SPAG16: variants seen among roughly 807,000 people sequenced by gnomAD.
SPAG16 encodes the protein sperm-associated antigen 16 protein.
SPAG16 carries 86 observed loss-of-function variants against 80.4 expected under a neutral mutation model. The observed-to-expected ratio is 1.07, with a 90% CI of 0.90 to 1.28. The LOEUF (loss-of-function observed/expected upper bound fraction) is 1.28, where lower values mean the gene tolerates loss of function less well. Ranked by LOEUF, SPAG16 falls within the 50% of genes most tolerant of loss-of-function variation. The pLI, the probability that SPAG16 is intolerant of heterozygous loss-of-function variation, is 0.00. For synonymous variants in SPAG16, 294 were observed against 265.9 expected (o/e 1.11, Z -1.03); for missense variants, 870 against 765.3 (o/e 1.14, Z -1.61).
chr2:213,731,861 G>C (rs12465707), intron 10 of SPAG16, among the ~76,000 whole-genome samples: 22,067 of 152,134 alleles, frequency 0.15, 2,072 homozygotes, highest in South Asian at 0.28. Flanking sequence ...CACTCTTGAT[G>C]GTTGTCTTTT....
intron 12 of SPAG16, among the ~76,000 whole-genome samples, chr2:214,004,873 G>A (rs2046958582): frequency 6.6e-6 from 1 of 152,034 alleles, no homozygotes; most frequent in Non-Finnish European, 1.5e-5. Flanking sequence ...AGCAAAGAGA[G>A]AATATTTGTG....
intron 10 of SPAG16, among the ~76,000 whole-genome samples, chr2:213,702,376 C>G (rs6435788): frequency 6.0e-4 from 91 of 152,260 alleles, no homozygotes; most frequent in Non-Finnish European, 1.1e-3. Flanking sequence ...ATAAATCTTG[C>G]TGCTGCTGTT....
At chr2:214,190,883 A>G (rs1050366904) in intron 15 of SPAG16, among the ~76,000 whole-genome samples, 5 of 152,198 alleles carry the variant, frequency 3.3e-5, no homozygotes, top group African/African-American at 1.2e-4. Context: ...GTTGTTTATC[A>G]GCTAATTGGC....
chr2:213,904,618 AAAAC>A, intron 11 of SPAG16, among the ~76,000 whole-genome samples: 1 of 150,834 alleles, frequency 6.6e-6, no homozygotes, highest in South Asian at 2.1e-4. Flanking sequence ...AAAAAAAAAA[AAAAC>A]AAAGTAGGTA....
chr2:213,824,006 G>T (rs2073115963), intron 10 of SPAG16, among the ~76,000 whole-genome samples: 2 of 152,154 alleles, frequency 1.3e-5, no homozygotes, highest in South Asian at 2.1e-4. Flanking sequence ...GTCCTGAATG[G>T]TATTGCCTAG....
chr2:213,622,111 A>AT (rs1309966104), intron 10 of SPAG16, among the ~76,000 whole-genome samples: 1 of 152,158 alleles, frequency 6.6e-6, no homozygotes. Context: ...AGATGAGTGC[A>AT]TTTTTTTTCC....
intron 11 of SPAG16, among the ~76,000 whole-genome samples, chr2:213,929,154 C>G (rs916128406): frequency 6.6e-6 from 1 of 151,752 alleles, no homozygotes; most frequent in African/African-American, 2.4e-5. Flanking sequence ...GCTGGGATTA[C>G]AGGCGCACGC....
At chr2:213,703,916 C>G (rs1299627038) in intron 10 of SPAG16, among the ~76,000 whole-genome samples, 2 of 152,160 alleles carry the variant, frequency 1.3e-5, no homozygotes, top group Non-Finnish European at 2.9e-5. Context: ...ATATTACCTT[C>G]CAAGATATTT....
intron 14 of SPAG16, among the ~76,000 whole-genome samples, chr2:214,141,028 T>G (rs1186193388): frequency 6.6e-6 from 1 of 151,850 alleles, no homozygotes. Flanking sequence ...TATTTTCTGC[T>G]AATCTTGTTT....
chr2:214,333,455 C>T lies in SPAG16; in HGVS notation c.1721-76685C>T, dbSNP rs180896783. Among the ~76,000 whole-genome samples, 217 of 152,306 alleles carry T rather than the reference C, an allele frequency of 1.4e-3. 1 individual carries two copies. Among genetic ancestry groups the T allele is most frequent in the African/African-American group, 4.5e-3 (185 of 41,572 alleles). On this transcript the variant is annotated intron_variant, in intron 15 of 15. Coordinates refer to ENST00000331683, the MANE Select transcript of SPAG16 (RefSeq NM_024532.5). Reference sequence around the variant, plus strand: ...ACAGTCTAATATCATCACCCACTTTCTACTTTGGAATTCGATCATCCTCCT... The same window carrying T: ...ACAGTCTAATATCATCACCCACTTTTTACTTTGGAATTCGATCATCCTCCT...
At chr2:214,014,619 C>T (rs972290960) in intron 13 of SPAG16, among the ~76,000 whole-genome samples, 3 of 152,078 alleles carry the variant, frequency 2.0e-5, no homozygotes, top group African/African-American at 7.2e-5. Context: ...GCAATACATG[C>T]TCAAAGCCAT....
chr2:214,339,886 G>A (rs1207960857), intron 15 of SPAG16, among the ~76,000 whole-genome samples: 2 of 152,128 alleles, frequency 1.3e-5, no homozygotes, highest in African/African-American at 4.8e-5. Flanking sequence ...TAATCTAAAA[G>A]GAGATTATCC....
At chr2:214,201,466 A>C (rs1576482613) in intron 15 of SPAG16, among the ~76,000 whole-genome samples, 1 of 152,168 alleles carries the variant, frequency 6.6e-6, no homozygotes, top group South Asian at 2.1e-4. Flanking sequence ...GACAAGATAG[A>C]CCTACATGTG....
At chr2:213,710,468 A>C (rs757185699) in intron 10 of SPAG16, among the ~76,000 whole-genome samples, 3 of 152,170 alleles carry the variant, frequency 2.0e-5, no homozygotes, top group Non-Finnish European at 2.9e-5. Flanking sequence ...ATAGTAATGA[A>C]ACATTTCACA....
At chr2:214,381,799 A>G (rs1700463616) in intron 15 of SPAG16, among the ~76,000 whole-genome samples, 1 of 152,188 alleles carries the variant, frequency 6.6e-6, no homozygotes, top group Non-Finnish European at 1.5e-5. Flanking sequence ...GAAAACAAAA[A>G]CACTCTATTA....
At chr2:213,434,018 T>G (rs2070469770) in intron 9 of SPAG16, among the ~76,000 whole-genome samples, 1 of 149,658 alleles carries the variant, frequency 6.7e-6, no homozygotes, top group East Asian at 2.0e-4. Flanking sequence ...CTTCCCAGGT[T>G]CAAGTGATTC....
intron 10 of SPAG16, among the ~76,000 whole-genome samples, chr2:213,647,124 T>G (rs1034960670): frequency 1.3e-5 from 2 of 151,842 alleles, no homozygotes; most frequent in Non-Finnish European, 2.9e-5. Flanking sequence ...GGAAATGAGG[T>G]GAAGGAAGAG....
intron 15 of SPAG16, among the ~76,000 whole-genome samples, chr2:214,380,243 A>G (rs954403937): frequency 6.6e-6 from 1 of 152,234 alleles, no homozygotes; most frequent in Non-Finnish European, 1.5e-5. Flanking sequence ...TTCACGGGGT[A>G]GAAACTAGAG....
At chr2:213,933,749 G>A (rs553397589) in intron 12 of SPAG16, among the ~76,000 whole-genome samples, 65 of 152,278 alleles carry the variant, frequency 4.3e-4, no homozygotes, top group African/African-American at 1.5e-3. Flanking sequence ...AGTGTATTGT[G>A]TCCAATACTC....
Sources: allele counts gnomAD v4.1 joint callset (sites outside exome capture counted in the v4.1 genomes callset), GRCh38; gene constraint gnomAD v4.1.1; transcripts MANE v1.5; gene names NCBI Gene and HGNC (gene_info 2026-07-23, HGNC 2026-07-21).